The following TCF4 variants were observed in gnomAD, a reference collection of about 807,000 sequenced individuals.
The protein encoded by TCF4 is SL3-3 enhancer factor 2.
TCF4 carries 3 observed loss-of-function variants against 82.1 expected under a neutral mutation model. That is an observed-to-expected ratio of 0.04 (90% confidence interval 0.02 to 0.09). TCF4 has a LOEUF of 0.09. TCF4 is among the 10% of genes least tolerant of loss of function. The pLI, the probability that TCF4 is intolerant of heterozygous loss-of-function variation, is 1.00. For missense variants in TCF4, 518 were observed against 852.7 expected, an observed-to-expected ratio of 0.61 and a Z score of 4.89; for synonymous variants, 276 against 309.6, an observed-to-expected ratio of 0.89 and a Z score of 1.14.
chr18:55,421,745 C>T (rs1002348865), intron 5 of TCF4, among the ~76,000 whole-genome samples: 1 of 152,078 alleles, frequency 6.6e-6, no homozygotes, highest in Non-Finnish European at 1.5e-5. Context: ...TGAAGTCAGA[C>T]TCTGTTTAAG....
At chr18:55,312,842 ATTTAAGTT>A (rs576202291) in intron 8 of TCF4, among the ~76,000 whole-genome samples, 322 of 152,252 alleles carry the variant, frequency 2.1e-3, no homozygotes, top group African/African-American at 7.7e-3. Flanking sequence ...CAGTTACCTT[ATTTAAGTT>A]TTTAATACGG....
chr18:55,328,323 G>A (rs1231313893), intron 8 of TCF4, among the ~76,000 whole-genome samples: 4 of 151,754 alleles, frequency 2.6e-5, no homozygotes, highest in Non-Finnish European at 5.9e-5. Flanking sequence ...ACTTCATTAT[G>A]CCTCTTATTT....
At chr18:55,359,869 T>C (rs1224441214) in intron 6 of TCF4, among the ~76,000 whole-genome samples, 4 of 152,216 alleles carry the variant, frequency 2.6e-5, no homozygotes, top group Non-Finnish European at 1.5e-5. Flanking sequence ...AGGAAATCAG[T>C]TGTATGTTTT....
chr18:55,539,958 C>T (rs1404971768), intron 3 of TCF4, among the ~76,000 whole-genome samples: 1 of 151,988 alleles, frequency 6.6e-6, no homozygotes, highest in Non-Finnish European at 1.5e-5. Context: ...CATTCTGAGT[C>T]ACTCTTTCAA....
chr18:55,398,646 G>A lies in TCF4; in HGVS notation c.369+4808C>T, dbSNP rs751603930. On this transcript the variant is annotated intron_variant, in intron 6 of 19. Transcript: ENST00000354452. ...GGGAGAGTGCAGTTTTCTGGTTTTCGTAGGCATGAAAAAGATGCTCACAAT... is the reference window on the plus strand; with the variant it reads ...GGGAGAGTGCAGTTTTCTGGTTTTCATAGGCATGAAAAAGATGCTCACAAT... Among the ~76,000 whole-genome samples, 23 of 152,190 alleles carry A rather than the reference G, an allele frequency of 1.5e-4. No homozygotes were observed. The South Asian group carries it at 3.7e-3, about 25-fold the overall frequency.
In TCF4 at chr18:55,234,657, C is replaced by A; in HGVS notation, c.1377G>T (p.Val459=). The A allele has an allele frequency of 6.2e-7, 1 of 1,614,138 alleles. No homozygotes were observed. The highest frequency in any genetic ancestry group is 1.7e-5 in the Admixed American group (1 of 60,018). Residue 459 remains valine (V), a synonymous_variant, in exon 16 of 20, where the codon GTG becomes GTT. Coordinates refer to ENST00000354452, the MANE Select transcript of TCF4 (RefSeq NM_001083962.2). ...LMVGTHREDG[V]ALRGSHSLLP... The stretch of plus-strand genomic sequence containing the variant: ...GAAGAGAATGGCTGCCTCTCAGGGC[C>A]ACGCCATCTTCACGATGGGTCCCCA...
intron 3 of TCF4, among the ~76,000 whole-genome samples, chr18:55,560,160 A>AAT (rs1314388582): frequency 6.6e-6 from 1 of 152,238 alleles, no homozygotes; most frequent in Non-Finnish European, 1.5e-5. Flanking sequence ...CCAGGGCTGT[A>AAT]CAGACGATTT....
At chr18:55,634,085 A>G (rs1603625799) in intron 1 of TCF4, among the ~76,000 whole-genome samples, 1 of 152,284 alleles carries the variant, frequency 6.6e-6, no homozygotes, top group East Asian at 1.9e-4. Flanking sequence ...CCTGGCCAAC[A>G]TGATGAAACC....
At chr18:55,600,299 CTG>C (rs1397685814) in intron 2 of TCF4, among the ~76,000 whole-genome samples, 1 of 152,152 alleles carries the variant, frequency 6.6e-6, no homozygotes, top group African/African-American at 2.4e-5. Context: ...CACCAGCAAA[CTG>C]TTTTCCAAAG....
In TCF4 at chr18:55,556,197, T is replaced by C. The variant is rs934953168; in HGVS notation, c.145+29083A>G. 7.2e-5 allele frequency among the ~76,000 whole-genome samples: 11 copies of C among 152,324 alleles called. No individual in the cohort carries two copies. The East Asian group carries it at 1.9e-3, about 27-fold the overall frequency. ...CCACATTGTTTATTCTCTTTGACTT[T>C]CAAAGGAGTGAGTGGTTTTCCAGAA... is the stretch of plus-strand genomic sequence containing the variant. On this transcript the variant is annotated intron_variant, in intron 3 of 19. Coordinates refer to ENST00000354452, the MANE Select transcript of TCF4 (RefSeq NM_001083962.2).
intron 15 of TCF4, among the ~76,000 whole-genome samples, chr18:55,253,820 A>G (rs2055995570): frequency 6.6e-6 from 1 of 152,178 alleles, no homozygotes; most frequent in African/African-American, 2.4e-5. Flanking sequence ...TAGCAATGTC[A>G]TATTATAATA....
At chr18:55,307,876 T>C (rs2070899011) in intron 8 of TCF4, among the ~76,000 whole-genome samples, 3 of 152,188 alleles carry the variant, frequency 2.0e-5, no homozygotes, top group Non-Finnish European at 4.4e-5. Flanking sequence ...TGGGGAAAGC[T>C]CTGGAATTGT....
At chr18:55,434,040 A>G (rs532417204) in intron 5 of TCF4, among the ~76,000 whole-genome samples, 6 of 152,124 alleles carry the variant, frequency 3.9e-5, no homozygotes, top group Non-Finnish European at 7.4e-5. Context: ...GAGTAAAACA[A>G]TTTTTTCAAA....
chr18:55,276,869 T>C (rs775153017), intron 9 of TCF4, among the ~76,000 whole-genome samples: 54 of 152,220 alleles, frequency 3.5e-4, no homozygotes, highest in Non-Finnish European at 6.9e-4. Context: ...CTCTTTTTCA[T>C]TGAGTTCTTA....
At chr18:55,509,485 T>G (rs1203024760) in intron 3 of TCF4, among the ~76,000 whole-genome samples, 2 of 152,082 alleles carry the variant, frequency 1.3e-5, no homozygotes, top group African/African-American at 4.8e-5. Flanking sequence ...CAGTACAGCA[T>G]GTAGAGGCAG....
At chr18:55,335,847 G>A (rs2078519436) in intron 8 of TCF4, among the ~76,000 whole-genome samples, 1 of 152,050 alleles carries the variant, frequency 6.6e-6, no homozygotes, top group South Asian at 2.1e-4. Context: ...CATATTTTTT[G>A]TTGTGTACTA....
intron 5 of TCF4, chr18:55,404,021 C>A (rs2093965939): frequency 1.7e-6 from 2 of 1,190,866 alleles, no homozygotes; most frequent in South Asian, 2.4e-5. Flanking sequence ...TTTTTAAAAA[C>A]TCCCTTTCCC....
intron 3 of TCF4, chr18:55,510,589 C>T (rs775902444): frequency 2.0e-6 from 3 of 1,508,510 alleles, no homozygotes; most frequent in Non-Finnish European, 2.7e-6. Context: ...CTCTGCTGTC[C>T]TCTTCCATAT....
rs199577179 is a variant in TCF4, at chr18:55,389,050, C to CGGGAGGCA, written c.369+14396_369+14403dup. Among the ~76,000 whole-genome samples, 946 of 151,476 alleles carry CGGGAGGCA rather than the reference C, an allele frequency of 6.2e-3. 12 individuals carry two copies. The highest frequency in any genetic ancestry group is 0.022 in the African/African-American group (918 of 41,270). On this transcript the variant is annotated intron_variant, in intron 6 of 19. Transcript: ENST00000354452. The stretch of plus-strand genomic sequence containing the variant: ...CTGAGGCAGAAGAATGGCATGAACC[C>CGGGAGGCA]GGGAGGCAGGGATTGCAGTGAGCCG...
Sources: allele counts gnomAD v4.1 joint callset (sites outside exome capture counted in the v4.1 genomes callset), GRCh38; gene constraint gnomAD v4.1.1; transcripts MANE v1.5; gene names NCBI Gene and HGNC (gene_info 2026-07-23, HGNC 2026-07-21).